The following STK32B variants were observed in gnomAD, a reference collection of about 807,000 sequenced individuals.
STK32B encodes the protein serine/threonine-protein kinase 32B.
Under a neutral mutation model 52.6 loss-of-function variants are expected in STK32B, and 43 were observed. The ratio of observed to expected loss-of-function variants is 0.82; its 90% CI spans 0.64 to 1.05. The LOEUF (loss-of-function observed/expected upper bound fraction) is 1.05, where lower values mean the gene tolerates loss of function less well. Ranked by LOEUF, STK32B falls within the 50% of genes least tolerant of loss-of-function variation. The probability of loss-of-function intolerance (pLI) is 0.00; values close to 1 mark genes in which losing one functional copy is unlikely to be tolerated. For synonymous variants in STK32B, 238 were observed against 204.3 expected, an observed-to-expected ratio of 1.17 and a Z score of -1.41; for missense variants, 621 against 534.6, an observed-to-expected ratio of 1.16 and a Z score of -1.59.
intron 3 of STK32B, among the ~76,000 whole-genome samples, chr4:5,201,402 G>A (rs1049573192): frequency 1.3e-5 from 2 of 152,152 alleles, no homozygotes; most frequent in African/African-American, 2.4e-5. Flanking sequence ...AGGCACAACC[G>A]TGGAAGCTTC....
At chr4:5,443,637 C>A (rs1715016454) in intron 6 of STK32B, among the ~76,000 whole-genome samples, 2 of 152,200 alleles carry the variant, frequency 1.3e-5, no homozygotes, top group South Asian at 4.1e-4. Flanking sequence ...TGTTCCGTTG[C>A]TGGTGAGGAA....
At chr4:5,097,144 T>G (rs1713446894) in intron 1 of STK32B, among the ~76,000 whole-genome samples, 2 of 152,242 alleles carry the variant, frequency 1.3e-5, no homozygotes, top group African/African-American at 4.8e-5. Flanking sequence ...AAAATGTACT[T>G]TCTTGCCCAT....
intron 1 of STK32B, among the ~76,000 whole-genome samples, chr4:5,081,864 A>C (rs936473402): frequency 6.6e-6 from 1 of 152,198 alleles, no homozygotes; most frequent in East Asian, 1.9e-4. Flanking sequence ...TCTTTGTCAG[A>C]CAATGTATGT....
chr4:5,348,821 C>T (rs570350485), intron 4 of STK32B, among the ~76,000 whole-genome samples: 108 of 152,316 alleles, frequency 7.1e-4, no homozygotes, highest in African/African-American at 2.5e-3. Context: ...CTCACCAGTA[C>T]CTGAGCATGC....
intron 3 of STK32B, among the ~76,000 whole-genome samples, chr4:5,191,302 G>A (rs1721184066): frequency 1.3e-5 from 2 of 151,564 alleles, no homozygotes; most frequent in African/African-American, 2.4e-5. Context: ...CCAGGCTGGA[G>A]TGCAGTGGCG....
At chr4:5,250,460 G>A (rs757630268) in intron 3 of STK32B, among the ~76,000 whole-genome samples, 10 of 151,918 alleles carry the variant, frequency 6.6e-5, no homozygotes, top group Non-Finnish European at 1.3e-4. Context: ...TTACATGCAT[G>A]TATCACTACG....
At chr4:5,335,810 G>C (rs1732635808) in intron 4 of STK32B, among the ~76,000 whole-genome samples, 1 of 151,962 alleles carries the variant, frequency 6.6e-6, no homozygotes, top group Admixed American at 6.6e-5. Context: ...TCTTAATCCT[G>C]AGTTGTAGTT....
intron 3 of STK32B, among the ~76,000 whole-genome samples, chr4:5,329,111 T>C (rs1732061355): frequency 6.6e-6 from 1 of 152,222 alleles, no homozygotes; most frequent in South Asian, 2.1e-4. Flanking sequence ...TCCTGGGTAC[T>C]CTGGGTGCCT....
At chr4:5,263,256 C>CGTGCAG in intron 3 of STK32B, among the ~76,000 whole-genome samples, 1 of 152,276 alleles carries the variant, frequency 6.6e-6, no homozygotes, top group Non-Finnish European at 1.5e-5. Flanking sequence ...ATGTATCATC[C>CGTGCAG]GTGCAGTCCC....
intron 3 of STK32B, among the ~76,000 whole-genome samples, chr4:5,302,541 A>G (rs896212804): frequency 6.6e-6 from 1 of 152,088 alleles, no homozygotes; most frequent in Non-Finnish European, 1.5e-5. Context: ...TGGAAACCCA[A>G]TTAATACAGA....
intron 3 of STK32B, among the ~76,000 whole-genome samples, chr4:5,297,761 A>G (rs1729299625): frequency 6.6e-6 from 1 of 151,458 alleles, no homozygotes; most frequent in African/African-American, 2.4e-5. Flanking sequence ...GTTATTACCC[A>G]CCTTCTGAAG....
intron 2 of STK32B, among the ~76,000 whole-genome samples, chr4:5,159,630 A>C (rs1718217118): frequency 1.2e-5 from 1 of 80,852 alleles, no homozygotes; most frequent in African/African-American, 7.6e-5. Flanking sequence ...AATATATATG[A>C]ATATATATAT....
At chr4:5,441,473 G>A (rs1413519395) in intron 6 of STK32B, among the ~76,000 whole-genome samples, 4 of 150,424 alleles carry the variant, frequency 2.7e-5, no homozygotes, top group Admixed American at 6.7e-5. Flanking sequence ...ATTTTTTATT[G>A]CATCTATTTG....
chr4:5,044,319 T>A, the STK32B span, among the ~76,000 whole-genome samples: 1 of 152,082 alleles, frequency 6.6e-6, no homozygotes, highest in Non-Finnish European at 1.5e-5. Flanking sequence ...AAATTGTAAT[T>A]CCTATTGTCA....
intron 4 of STK32B, among the ~76,000 whole-genome samples, chr4:5,340,675 C>A (rs1733014946): frequency 6.6e-6 from 1 of 152,162 alleles, no homozygotes; most frequent in East Asian, 1.9e-4. Flanking sequence ...AAATAAATAA[C>A]AACAGTGACA....
At chr4:5,474,371 G>C (rs960129119) in intron 11 of STK32B, among the ~76,000 whole-genome samples, 1 of 152,158 alleles carries the variant, frequency 6.6e-6, no homozygotes, top group Non-Finnish European at 1.5e-5. Context: ...TCTGAGCCTC[G>C]GACTTCTCAT....
chr4:5,083,998 A>G (rs946025679), intron 1 of STK32B, among the ~76,000 whole-genome samples: 6 of 152,174 alleles, frequency 3.9e-5, no homozygotes, highest in Admixed American at 1.3e-4. Context: ...CAGCCTTGCA[A>G]TGTGCTGAGA....
intron 11 of STK32B, among the ~76,000 whole-genome samples, chr4:5,490,557 CT>C (rs1031996874): frequency 2.7e-5 from 4 of 150,802 alleles, no homozygotes; most frequent in African/African-American, 7.3e-5. Context: ...AGAGCCTCGT[CT>C]TTTTTTTTAA....
intron 1 of STK32B, among the ~76,000 whole-genome samples, chr4:5,091,803 T>C (rs1577062388): frequency 6.6e-6 from 1 of 152,288 alleles, no homozygotes. Context: ...GTAGGGCAAA[T>C]GTTGATCAAC....
Sources: gnomAD v4.1 joint callset for allele counts (sites outside exome capture counted in the v4.1 genomes callset) on GRCh38, gnomAD v4.1.1 for gene constraint, MANE v1.5 for transcripts, NCBI Gene and HGNC (gene_info 2026-07-23, HGNC 2026-07-21) for gene names.